ADCY8: variants seen among roughly 807,000 people sequenced by gnomAD.
The protein encoded by ADCY8 is adenylate cyclase 8, also known as adenylate cyclase type 8.
In ADCY8, 51 loss-of-function variants were observed where a neutral mutation model predicts 119.7. The observed-to-expected ratio is 0.43, with a 90% CI of 0.34 to 0.54. The LOEUF (loss-of-function observed/expected upper bound fraction) is 0.54, where lower values mean the gene tolerates loss of function less well. ADCY8 is among the 20% of genes least tolerant of loss of function. The probability of loss-of-function intolerance (pLI) is 0.03; values close to 1 mark genes in which losing one functional copy is unlikely to be tolerated. For missense variants in ADCY8, 1,383 were observed against 1,598.8 expected, an observed-to-expected ratio of 0.87 and a Z score of 2.30; for synonymous variants, 665 against 651.0, an observed-to-expected ratio of 1.02 and a Z score of -0.33.
intron 12 of ADCY8, among the ~76,000 whole-genome samples, chr8:130,827,048 A>G (rs1256454476): frequency 6.6e-6 from 1 of 152,220 alleles, no homozygotes; most frequent in Non-Finnish European, 1.5e-5. Flanking sequence ...CATGTACCCC[A>G]GAACTTAAAG....
chr8:131,018,791 C>T (rs1220848647), intron 1 of ADCY8, among the ~76,000 whole-genome samples: 1 of 152,218 alleles, frequency 6.6e-6, no homozygotes. Context: ...GTCTCCACAG[C>T]ATGTGTTCTC....
chr8:130,982,642 T>A (rs1489236557), intron 2 of ADCY8, among the ~76,000 whole-genome samples: 1 of 152,166 alleles, frequency 6.6e-6, no homozygotes, highest in Non-Finnish European at 1.5e-5. Flanking sequence ...AGCATCTAGG[T>A]CAATACTGTC....
intron 11 of ADCY8, among the ~76,000 whole-genome samples, chr8:130,837,627 A>C (rs921862100): frequency 6.6e-6 from 1 of 152,216 alleles, no homozygotes. Context: ...CTTTTATGGG[A>C]AGCTCCCCAG....
intron 2 of ADCY8, among the ~76,000 whole-genome samples, chr8:130,953,961 T>G (rs187716858): frequency 7.2e-5 from 11 of 152,346 alleles, no homozygotes; most frequent in Admixed American, 2.6e-4. Context: ...ACTTCCCAGG[T>G]ACTTGTGGCC....
chr8:130,886,595 G>C (rs571127347), intron 7 of ADCY8, among the ~76,000 whole-genome samples: 1 of 152,142 alleles, frequency 6.6e-6, no homozygotes, highest in East Asian at 1.9e-4. Flanking sequence ...TTTCCGTCTT[G>C]GAGAAGAGAT....
intron 1 of ADCY8, among the ~76,000 whole-genome samples, chr8:131,029,797 T>A (rs1181844953): frequency 6.6e-6 from 1 of 151,528 alleles, no homozygotes; most frequent in African/African-American, 2.4e-5. Context: ...GAGACTGATT[T>A]CTCTTCTCTT....
chr8:130,989,257 G>A (rs1417426277), intron 2 of ADCY8, among the ~76,000 whole-genome samples: 1 of 152,186 alleles, frequency 6.6e-6, no homozygotes, highest in African/African-American at 2.4e-5. Context: ...GGAGACAGCA[G>A]ATGGCAGTGG....
rs548276810 is a variant in ADCY8, at chr8:131,038,767, T to C, written c.960+607A>G. Among the ~76,000 whole-genome samples the C allele has an allele frequency of 5.3e-5, 8 of 152,308 alleles. No homozygotes were observed. The East Asian group carries it at 1.4e-3, about 26-fold the overall frequency. ...TCGCATCGTGTCATGAGAGAAGATA[T>C]CATGTTTGGTCACCAAGGCAATAAA... On this transcript the variant is annotated intron_variant, in intron 1 of 17. Coordinates refer to ENST00000286355, the MANE Select transcript of ADCY8 (RefSeq NM_001115.3).
Position 131,039,623 on chromosome 8 carries a change from G to T in ADCY8, c.711C>A (p.Thr237=). Residue 237 remains threonine, a synonymous_variant, in exon 1 of 18, where the codon ACC becomes ACA. Coordinates refer to ENST00000286355, the MANE Select transcript of ADCY8 (RefSeq NM_001115.3). ...CALVVVRKDT[T]SHTYLQYSGV... is the part of the protein sequence containing the mutation. ...CGCTGTACTGCAGGTACGTGTGGGA[G>T]GTGGTGTCCTTCCTGACCACCACCA... 6.2e-7 allele frequency: 1 copy of T among 1,614,130 alleles called. No homozygotes were observed. The highest frequency in any genetic ancestry group is 8.5e-7 in the Non-Finnish European group (1 of 1,180,024).
At chr8:130,803,224 C>G (rs1176443063) in intron 14 of ADCY8, among the ~76,000 whole-genome samples, 1 of 152,200 alleles carries the variant, frequency 6.6e-6, no homozygotes, top group Non-Finnish European at 1.5e-5. Context: ...AGTTAGCTTC[C>G]TTTACCAGGC....
At chr8:130,954,960 T>C (rs992311023) in intron 2 of ADCY8, among the ~76,000 whole-genome samples, 1 of 152,234 alleles carries the variant, frequency 6.6e-6, no homozygotes, top group African/African-American at 2.4e-5. Flanking sequence ...GGGACGAGTT[T>C]CTAAGGAGGG....
chr8:130,807,949 A>C (rs1360298992), intron 14 of ADCY8, among the ~76,000 whole-genome samples: 1 of 109,374 alleles, frequency 9.1e-6, no homozygotes, highest in Non-Finnish European at 1.8e-5. Flanking sequence ...CCGCCACTGC[A>C]CTCCAGCCTG....
chr8:130,780,693 C>A lies in ADCY8; in HGVS notation c.3453G>T (p.Gly1151=). The stretch of plus-strand genomic sequence containing the variant: ...CACTGATACCCTTCACATAGATCTC[C>A]CCTCGGTAATCAAAGGCAAAGCCCT... ...KDQGFAFDYR[G]EIYVKGISEQ... The change falls in exon 18 of 18, where the codon GGG becomes GGT. Residue 1151 remains glycine (G), a synonymous_variant. Transcript: ENST00000286355. The A allele has an allele frequency of 6.2e-7, 1 of 1,614,154 alleles. No homozygotes were observed. The highest frequency in any genetic ancestry group is 1.3e-5 in the African/African-American group (1 of 75,042).
At chr8:130,827,445 A>G (rs898222000) in intron 12 of ADCY8, among the ~76,000 whole-genome samples, 3 of 152,204 alleles carry the variant, frequency 2.0e-5, no homozygotes, top group African/African-American at 4.8e-5. Context: ...CCCATGCTCT[A>G]TGTAAACATC....
Position 130,780,683 on chromosome 8 carries a change from C to A in ADCY8, c.3463G>T (p.Val1155Leu). The change falls in exon 18 of 18, where the codon GTG becomes TTG. Residue 1155 changes from valine to leucine, a missense_variant. Val to Leu is a conservative substitution (Grantham distance 32, BLOSUM62 1). Coordinates refer to ENST00000286355, the MANE Select transcript of ADCY8 (RefSeq NM_001115.3). ...CCTTCCTGTTCACTGATACCCTTCA[C>A]ATAGATCTCCCCTCGGTAATCAAAG... ...FAFDYRGEIYVKGISEQEGKI... is the reference protein window; with the variant it reads ...FAFDYRGEIYLKGISEQEGKI... 6.2e-7 allele frequency: 1 copy of A among 1,614,214 alleles called. No individual in the cohort carries two copies. Among genetic ancestry groups the A allele is most frequent in the Non-Finnish European group, 8.5e-7 (1 of 1,180,014 alleles).
chr8:131,016,208 G>T (rs1303196316), intron 1 of ADCY8, among the ~76,000 whole-genome samples: 1 of 152,042 alleles, frequency 6.6e-6, no homozygotes, highest in Non-Finnish European at 1.5e-5. Flanking sequence ...TGGGAATGCA[G>T]TATGGTGGGG....
chr8:130,879,716 G>T (rs1017794980), intron 8 of ADCY8, among the ~76,000 whole-genome samples: 6 of 152,124 alleles, frequency 3.9e-5, no homozygotes, highest in Admixed American at 1.3e-4. Flanking sequence ...AGTTAAATGT[G>T]CAATGAGATA....
chr8:130,961,442 A>AATCTCTTCATAC (rs1338692089), intron 2 of ADCY8, among the ~76,000 whole-genome samples: 1 of 151,426 alleles, frequency 6.6e-6, no homozygotes, highest in East Asian at 1.9e-4. Flanking sequence ...TCTCTTCATA[A>AATCTCTTCATAC]ATCTCTTTAT....
At chr8:130,895,674 G>A (rs1000671501) in intron 7 of ADCY8, among the ~76,000 whole-genome samples, 3 of 152,108 alleles carry the variant, frequency 2.0e-5, no homozygotes, top group Admixed American at 6.5e-5. Flanking sequence ...CATGTTACTG[G>A]AAGAATGCAG....
Sources: allele counts gnomAD v4.1 joint callset (sites outside exome capture counted in the v4.1 genomes callset), GRCh38; gene constraint gnomAD v4.1.1; transcripts MANE v1.5; gene names NCBI Gene and HGNC (gene_info 2026-07-23, HGNC 2026-07-21).